The following TRHDE variants were observed in gnomAD, a reference collection of about 807,000 sequenced individuals.
The protein encoded by TRHDE is thyrotropin-releasing hormone-degrading ectoenzyme.
In TRHDE, 72 loss-of-function variants were observed where a neutral mutation model predicts 125.7. That is an observed-to-expected ratio of 0.57 (90% CI 0.47 to 0.70). The LOEUF is 0.70. TRHDE is among the 30% of genes least tolerant of loss of function. TRHDE has a pLI of 0.00. For missense variants in TRHDE, 1,110 were observed against 1,327.1 expected (o/e 0.84, Z 2.54); for synonymous variants, 509 against 509.1 (o/e 1.00, Z 0.00).
chr12:72,435,976 C>T (rs1348574960), intron 3 of TRHDE, among the ~76,000 whole-genome samples: 1 of 151,878 alleles, frequency 6.6e-6, no homozygotes, highest in Admixed American at 6.6e-5. Context: ...TATGTTCCCC[C>T]CGACCAATAA....
At chr12:72,471,097 G>A (rs1318620089) in intron 4 of TRHDE, among the ~76,000 whole-genome samples, 3 of 151,798 alleles carry the variant, frequency 2.0e-5, no homozygotes, top group Non-Finnish European at 2.9e-5. Context: ...GGCTGGTCTC[G>A]AACTTCCTGA....
chr12:72,271,872 G>A (rs1879227081), upstream of TRHDE: 1 of 455,462 alleles, frequency 2.2e-6, no homozygotes, highest in African/African-American at 2.0e-5. Flanking sequence ...GTCATCTCCG[G>A]AGGGCAGAGC....
At chr12:72,148,958 G>A (rs1350003338) in intron 2 of TRHDE, among the ~76,000 whole-genome samples, 1 of 152,052 alleles carries the variant, frequency 6.6e-6, no homozygotes, top group Non-Finnish European at 1.5e-5. Context: ...ATGCTCAAAC[G>A]ACTTTTCACA....
intron 15 of TRHDE, among the ~76,000 whole-genome samples, chr12:72,623,573 A>G (rs1206351336): frequency 1.3e-5 from 2 of 152,100 alleles, no homozygotes; most frequent in African/African-American, 4.8e-5. Flanking sequence ...GGATCTTAAC[A>G]TTCATAGAGG....
At chr12:72,169,864 G>A (rs936906411) in intron 2 of TRHDE, among the ~76,000 whole-genome samples, 1 of 152,096 alleles carries the variant, frequency 6.6e-6, no homozygotes, top group Non-Finnish European at 1.5e-5. Context: ...AGGGGACACA[G>A]TTCAGTCCAT....
intron 3 of TRHDE, among the ~76,000 whole-genome samples, chr12:72,428,508 A>T (rs542525235): frequency 1.3e-5 from 2 of 152,178 alleles, no homozygotes; most frequent in East Asian, 3.9e-4. Flanking sequence ...GCCTGGATTA[A>T]TTTTTTTAAT....
chr12:72,249,636 G>T (rs1878640103), intron 2 of TRHDE, among the ~76,000 whole-genome samples: 1 of 152,090 alleles, frequency 6.6e-6, no homozygotes, highest in Non-Finnish European at 1.5e-5. Flanking sequence ...CACCAGAATG[G>T]CTACAATAAA....
intron 2 of TRHDE, among the ~76,000 whole-genome samples, chr12:72,146,991 C>T (rs1876243639): frequency 6.6e-6 from 1 of 152,172 alleles, no homozygotes; most frequent in African/African-American, 2.4e-5. Flanking sequence ...GACTCTTCTC[C>T]AACGGCCCTG....
At chr12:72,461,416 A>G (rs548990061) in intron 3 of TRHDE, among the ~76,000 whole-genome samples, 39 of 152,272 alleles carry the variant, frequency 2.6e-4, no homozygotes, top group African/African-American at 9.1e-4. Flanking sequence ...AAAGAATGGT[A>G]GTTCTCATTT....
intron 6 of TRHDE, among the ~76,000 whole-genome samples, chr12:72,532,882 A>G (rs1868632550): frequency 6.6e-6 from 1 of 151,338 alleles, no homozygotes. Flanking sequence ...AATTATGTAT[A>G]TATTTGCATA....
intron 2 of TRHDE, among the ~76,000 whole-genome samples, chr12:72,300,558 ATGTG>A (rs147510620): frequency 1.3e-5 from 2 of 150,932 alleles, no homozygotes; most frequent in Non-Finnish European, 3.0e-5. Context: ...TATGGCATAT[ATGTG>A]TGTGTGTGTG....
intron 6 of TRHDE, among the ~76,000 whole-genome samples, chr12:72,537,934 TTTTCTTA>T (rs967225694): frequency 6.6e-6 from 1 of 152,114 alleles, no homozygotes; most frequent in African/African-American, 2.4e-5. Context: ...CTTATGTATC[TTTTCTTA>T]TTTCTTATTT....
intron 2 of TRHDE, among the ~76,000 whole-genome samples, chr12:72,339,327 C>T (rs1032609503): frequency 1.3e-5 from 2 of 152,156 alleles, no homozygotes; most frequent in African/African-American, 4.8e-5. Context: ...ACTAGTATTA[C>T]TATCTTCATC....
In TRHDE at chr12:72,378,068, T is replaced by G; in HGVS notation, c.1262T>G (p.Leu421Ter). ...TATGCTCTCCATATAACAAAGAGAT[T>G]AATAGAATTTTATGAAGACTACTTT... ...GDYALHITKR[L>*]IEFYEDYFKV... The change falls in exon 3 of 19, where the codon TTA (leucine) becomes TGA (stop). Residue 421 changes from leucine to a stop codon, truncating the protein, a stop_gained. Transcript: ENST00000261180. LOFTEE classifies it high-confidence loss of function. 1 of 1,606,434 alleles carries G rather than the reference T, an allele frequency of 6.2e-7. No homozygotes were observed. The highest frequency in any genetic ancestry group is 8.5e-7 in the Non-Finnish European group (1 of 1,176,230).
chr12:72,644,564 C>T (rs1218312158), intron 15 of TRHDE, among the ~76,000 whole-genome samples: 1 of 152,144 alleles, frequency 6.6e-6, no homozygotes, highest in African/African-American at 2.4e-5. Context: ...TGGTGCTGCC[C>T]AAAGAATGAG....
chr12:72,095,026 A>G (rs1239679309), intron 1 of TRHDE, among the ~76,000 whole-genome samples: 7 of 152,226 alleles, frequency 4.6e-5, no homozygotes, highest in Admixed American at 4.6e-4. Flanking sequence ...GATTATCTTT[A>G]AATATCTTTT....
intron 6 of TRHDE, among the ~76,000 whole-genome samples, chr12:72,518,454 A>T (rs1390054713): frequency 6.6e-6 from 1 of 151,860 alleles, no homozygotes; most frequent in East Asian, 1.9e-4. Context: ...TTTATCAGAG[A>T]CTAGGATTGC....
intron 2 of TRHDE, among the ~76,000 whole-genome samples, chr12:72,207,709 A>G (rs1445753870): frequency 1.3e-5 from 2 of 152,148 alleles, no homozygotes; most frequent in African/African-American, 4.8e-5. Context: ...ATTCCTTTGT[A>G]TACAGCAAAC....
chr12:72,396,935 A>T (rs1200357685), intron 3 of TRHDE, among the ~76,000 whole-genome samples: 2 of 151,186 alleles, frequency 1.3e-5, no homozygotes, highest in South Asian at 2.1e-4. Flanking sequence ...TCTCTAGTGT[A>T]TCTCTCTCTA....
Sources: gnomAD v4.1 joint callset for allele counts (sites outside exome capture counted in the v4.1 genomes callset) on GRCh38, gnomAD v4.1.1 for gene constraint, MANE v1.5 for transcripts, NCBI Gene and HGNC (gene_info 2026-07-23, HGNC 2026-07-21) for gene names.